The following BRAT1 variants were observed in gnomAD, a reference collection of about 807,000 sequenced individuals.
BRAT1 encodes BRCA1 associated ATM activator 1.
A neutral mutation model predicts 70.6 loss-of-function variants in BRAT1; 74 were observed. The ratio of observed to expected loss-of-function variants is 1.05; its 90% CI spans 0.87 to 1.27. The LOEUF (loss-of-function observed/expected upper bound fraction) is 1.27. Among genes scored for constraint, BRAT1 ranks in the 50% most tolerant of loss-of-function variants. The pLI is 0.00. For missense variants in BRAT1, 1,203 were observed against 1,098.2 expected, an observed-to-expected ratio of 1.10 and a Z score of -1.35; for synonymous variants, 615 against 517.1, an observed-to-expected ratio of 1.19 and a Z score of -2.57.
In BRAT1 at chr7:2,554,179, G is replaced by C; in HGVS notation, c.127+126C>G. The C allele has an allele frequency of 6.9e-6, 9 of 1,303,816 alleles. No individual in the cohort carries two copies. The South Asian group carries it at 1.3e-4, about 19-fold the overall frequency. The allele number at this position is 1,303,816 out of a possible 1,614,324, so 80.8% of individuals were successfully genotyped here. On this transcript the variant is annotated intron_variant, in intron 2 of 13. Coordinates refer to ENST00000340611, the MANE Select transcript of BRAT1 (RefSeq NM_152743.4). Reference sequence around the variant, plus strand: ...GATAATCCTTAGGAAGTGAAGGAAAGACATCTGATTGGCAGTTTCTGCCCT... The same window carrying C: ...GATAATCCTTAGGAAGTGAAGGAAACACATCTGATTGGCAGTTTCTGCCCT...
Position 2,547,385 on chromosome 7 carries a change from G to C in BRAT1, c.221C>G (p.Ser74Cys). 1 of 1,614,154 alleles carries C rather than the reference G, an allele frequency of 6.2e-7. No homozygotes were observed. Among genetic ancestry groups the C allele is most frequent in the Non-Finnish European group, 8.5e-7 (1 of 1,180,036 alleles). Reference protein sequence around the residue: ...KVQDLSSGVLSFSLRLAGTFA... With the variant: ...KVQDLSSGVLCFSLRLAGTFA... ...GGTTCCTGCCAGGCGCAGTGAGAAG[G>C]AGAGGACCCCAGAACTCAGGTCCTG... Residue 74 changes from serine to cysteine, a missense_variant, in exon 3 of 14, where the codon TCC becomes TGC. Physicochemically the swap from Ser to Cys is moderately radical, Grantham distance 112 (BLOSUM62 -1). Coordinates refer to ENST00000340611, the MANE Select transcript of BRAT1 (RefSeq NM_152743.4).
In BRAT1 at chr7:2,539,793, G is replaced by A; in HGVS notation, c.1491C>T (p.Phe497=). 6.2e-7 allele frequency: 1 copy of A among 1,611,510 alleles called. No homozygotes were observed. Among genetic ancestry groups the A allele is most frequent in the Non-Finnish European group, 8.5e-7 (1 of 1,179,004 alleles). ...TGCAAGGGGCTGCGTTACCTCTGAG[G>A]AACTGCGGGATGAGGGGGCCGAGAT... ...CSDLGPLIPQ[F]LRELFPVLQK... The change falls in exon 11 of 14, where the codon TTC becomes TTT. Residue 497 remains phenylalanine (F), a synonymous_variant. Coordinates refer to ENST00000340611, the MANE Select transcript of BRAT1 (RefSeq NM_152743.4).
At chr7:2,542,274 A>G (rs1443958598) in intron 6 of BRAT1, 63 bp from the exon 7 acceptor site, 6 of 1,381,338 alleles carry the variant, frequency 4.3e-6, no homozygotes, top group East Asian at 2.5e-5. Flanking sequence ...CTGTGCTCCT[A>G]ATGTCCCCAG....
chr7:2,541,423 C>A lies in BRAT1; in HGVS notation c.1196G>T (p.Arg399Leu). 1 of 1,589,246 alleles carries A rather than the reference C, an allele frequency of 6.3e-7. No individual in the cohort carries two copies. Among genetic ancestry groups the A allele is most frequent in the East Asian group, 2.3e-5 (1 of 43,936 alleles). Residue 399 changes from arginine (R) to leucine (L), a missense_variant, in exon 9 of 14, where the codon CGG becomes CTG. Coordinates refer to ENST00000340611, the MANE Select transcript of BRAT1 (RefSeq NM_152743.4). Reference protein sequence around the residue: ...SLLGATVTVLRLCDGSAAPAS... With the variant: ...SLLGATVTVLLLCDGSAAPAS... ...AGGGGCAGCCGAGCCGTCACAGAGC[C>A]GCAGGACAGTCACTGTAGCCCCCAG...
At chr7:2,554,234 C>A in intron 2 of BRAT1, 71 bp downstream of exon 2, 1 of 1,578,138 alleles carries the variant, frequency 6.3e-7, no homozygotes, top group Non-Finnish European at 8.6e-7. Context: ...CCCCATCTGG[C>A]CCCTGCTCCC....
At position 2,554,531 on chromosome 7, in the gene BRAT1, C is replaced by G. The variant is rs1169233364; in HGVS notation, c.-16-84G>C. 3.4e-6 allele frequency: 5 copies of G among 1,467,338 alleles called. No individual in the cohort carries two copies. The Admixed American group carries it at 9.1e-5, about 27-fold the overall frequency. 90.9% of individuals were successfully genotyped at this position (1,467,338 alleles called of 1,614,324 possible). A position where few individuals can be genotyped will look rare whatever the true frequency, so the allele number is the denominator to read the frequency against. The stretch of plus-strand genomic sequence containing the variant: ...GTCACAGCAGCCCACCATGCCTGCT[C>G]AGGCCTGGGAAGGGGCCCCAGAACT... On this transcript the variant is annotated intron_variant, in intron 1 of 13. Coordinates refer to ENST00000340611, the MANE Select transcript of BRAT1 (RefSeq NM_152743.4).
chr7:2,554,689 G>C (rs1780282619), intron 1 of BRAT1, among the ~76,000 whole-genome samples: 1 of 152,226 alleles, frequency 6.6e-6, no homozygotes, highest in Non-Finnish European at 1.5e-5. Context: ...GGGTCTAGCT[G>C]AAACCACAAG....
At chr7:2,551,655 G>A (rs1407210894) in intron 2 of BRAT1, among the ~76,000 whole-genome samples, 1 of 150,992 alleles carries the variant, frequency 6.6e-6, no homozygotes, top group Non-Finnish European at 1.5e-5. Context: ...ACTCCATCCT[G>A]GGTGACGCGC....
rs1554298624 is a variant in BRAT1, at chr7:2,554,460, T to TG, written c.-16-14dup. ...GAGGCCGCAGGCCCTGCAAAGGCAA[T>TG]GTGAGAGCCAAACCTCAATGCCCAC... On this transcript the variant is annotated splice_polypyrimidine_tract_variant and intron_variant, in intron 1 of 13. Coordinates refer to ENST00000340611, the MANE Select transcript of BRAT1 (RefSeq NM_152743.4). 6.2e-7 allele frequency: 1 copy of TG among 1,606,484 alleles called. No homozygotes were observed. Among genetic ancestry groups the TG allele is most frequent in the South Asian group, 1.1e-5 (1 of 90,692 alleles).
chr7:2,550,481 C>CAAAAAAAAAAAAAAAAAAAAAAAA (rs369777124), intron 2 of BRAT1, among the ~76,000 whole-genome samples: 10 of 57,490 alleles, frequency 1.7e-4, no homozygotes, highest in African/African-American at 4.2e-4. Flanking sequence ...AAAAAAAAAA[C>CAAAAAAAAAAAAAAAAAAAAAAAA]AAAAAAAAAA....
chr7:2,544,626 G>A (rs895134385), intron 4 of BRAT1, among the ~76,000 whole-genome samples: 5 of 152,080 alleles, frequency 3.3e-5, no homozygotes, highest in Admixed American at 6.6e-5. Context: ...TCAGCCTCCC[G>A]AGTAGCTGGG....
chr7:2,554,656 G>A (rs1583346922), intron 1 of BRAT1, among the ~76,000 whole-genome samples: 1 of 152,252 alleles, frequency 6.6e-6, no homozygotes, highest in Non-Finnish European at 1.5e-5. Flanking sequence ...AGCGCTGGTG[G>A]CGGGGCTGAA....
rs376888751 is a variant in BRAT1 at position 2,538,234 on chromosome 7, C to G, written c.2301G>C (p.Gln767His). The G allele has an allele frequency of 5.6e-6, 9 of 1,609,574 alleles. No individual in the cohort carries two copies. Among genetic ancestry groups the G allele is most frequent in the Non-Finnish European group, 6.8e-6 (8 of 1,178,400 alleles). Residue 767 changes from glutamine (Q) to histidine (H), a missense_variant, in exon 14 of 14, where the codon CAG (glutamine) becomes CAC (histidine). Physicochemically the swap from Gln to His is conservative, Grantham distance 24. Transcript: ENST00000340611. ...AGEQAQPPGD[Q>H]EPEAVLAMLR... ...GCATGGCCAGCACAGCCTCAGGCTC[C>G]TGGTCCCCTGGGGGCTGGGCCTGCT...
intron 2 of BRAT1, among the ~76,000 whole-genome samples, chr7:2,552,089 TA>T (rs1780053897): frequency 2.3e-4 from 4 of 17,596 alleles, no homozygotes; most frequent in South Asian, 3.4e-3. Flanking sequence ...TAAATATATA[TA>T]TATATATATA....
chr7:2,538,732 G>C lies in BRAT1; in HGVS notation c.1803C>G (p.Ser601=). ...GCCGTGGGAAGCCCTCCGAGTCTAC[G>C]GAGAGGATGTGCAGGAGCTCCAGGA... The part of the protein sequence containing the change: ...SLFLELLHIL[S]VDSEGFPRRA... The change falls in exon 14 of 14, where the codon TCC becomes TCG. Residue 601 remains serine, a synonymous_variant. Coordinates refer to ENST00000340611, the MANE Select transcript of BRAT1 (RefSeq NM_152743.4). 2 of 1,598,440 alleles carry C rather than the reference G, an allele frequency of 1.3e-6. No individual in the cohort carries two copies. The highest frequency in any genetic ancestry group is 1.7e-6 in the Non-Finnish European group (2 of 1,179,886).
At position 2,543,629 on chromosome 7, in the gene BRAT1, G is replaced by A. The variant is rs1779355816; in HGVS notation, c.764C>T (p.Ala255Val). The A allele has an allele frequency of 5.2e-6, 8 of 1,536,146 alleles. No individual in the cohort carries two copies. The highest frequency in any genetic ancestry group is 6.2e-6 in the Non-Finnish European group (7 of 1,136,730). The change falls in exon 5 of 14, where the codon GCC becomes GTC. Residue 255 changes from alanine to valine, a missense_variant. Ala to Val is a moderately conservative substitution (Grantham distance 64). Transcript: ENST00000340611. This position sits in a 1 kb window ranked among gnomAD's most constrained non-coding sequence, Gnocchi z 5.5. Reference sequence around the variant, plus strand: ...AAGCAGGTCCACGAACGAGTGTGCGGCGGGGATGGGGTCTCTCTCCAGCAG... The same window carrying A: ...AAGCAGGTCCACGAACGAGTGTGCGACGGGGATGGGGTCTCTCTCCAGCAG... ...ACLLERDPIP[A>V]AHSFVDLLLC...
rs373177343 is a variant in BRAT1 at position 2,543,721 on chromosome 7, G to C, written c.672C>G (p.Thr224=). The change falls in exon 5 of 14, where the codon ACC becomes ACG. Residue 224 remains threonine, a synonymous_variant. Transcript: ENST00000340611. This position sits in a 1 kb window ranked among gnomAD's most constrained non-coding sequence, Gnocchi z 5.5. ...TCCAGGGGCTCTGGCAGCGCCCGAA[G>C]GTCGTGGTCAGGACGTTCAGGGCCT... ...VTQALNVLTT[T]FGRCQSPWTE... 1.2e-5 allele frequency: 19 copies of C among 1,587,940 alleles called. No individual in the cohort carries two copies. Among genetic ancestry groups the C allele is most frequent in the Non-Finnish European group, 1.6e-5 (19 of 1,161,584 alleles).
chr7:2,549,546 C>T (rs1779847841), intron 2 of BRAT1, among the ~76,000 whole-genome samples: 1 of 151,946 alleles, frequency 6.6e-6, no homozygotes, highest in Non-Finnish European at 1.5e-5. Context: ...AAAGCTTTAT[C>T]AATCTGATGG....
At chr7:2,546,076 G>A (rs1779587942) in intron 3 of BRAT1, among the ~76,000 whole-genome samples, 1 of 152,220 alleles carries the variant, frequency 6.6e-6, no homozygotes, top group South Asian at 2.1e-4. Flanking sequence ...CAGACTCAGC[G>A]GTGCCTGTCT....
Sources: gnomAD v4.1 joint callset for allele counts (sites outside exome capture counted in the v4.1 genomes callset) on GRCh38, gnomAD v4.1.1 for gene constraint, Gnocchi (gnomAD v3.1) non-coding constraint, MANE v1.5 for transcripts, NCBI Gene and HGNC (gene_info 2026-07-23, HGNC 2026-07-21) for gene names.